DLGAP1: variants seen among roughly 807,000 people sequenced by gnomAD.
DLGAP1 encodes DLG associated protein 1, also known as disks large-associated protein 1.
DLGAP1 carries 11 observed loss-of-function variants against 90.8 expected under a neutral mutation model. The ratio of observed to expected loss-of-function variants is 0.12; its 90% confidence interval spans 0.08 to 0.20. DLGAP1 has a LOEUF of 0.20. DLGAP1 is among the 10% of genes least tolerant of loss of function. The pLI is 1.00. For synonymous variants in DLGAP1, 558 were observed against 540.7 expected (o/e 1.03, Z -0.44); for missense variants, 1,050 against 1,333.8 (o/e 0.79, Z 3.31).
intron 1 of DLGAP1, among the ~76,000 whole-genome samples, chr18:4,300,864 A>G (rs1309908622): frequency 6.6e-6 from 1 of 152,130 alleles, no homozygotes; most frequent in African/African-American, 2.4e-5. Flanking sequence ...CCTATTTCCA[A>G]TGTTAGGGTT....
intron 6 of DLGAP1, among the ~76,000 whole-genome samples, chr18:3,740,227 C>T (rs374406369): frequency 6.6e-6 from 1 of 152,074 alleles, no homozygotes; most frequent in African/African-American, 2.4e-5. Flanking sequence ...GACCTTTAGG[C>T]CATGCAGAAT....
At chr18:4,128,740 A>T (rs1439472933) in intron 2 of DLGAP1, among the ~76,000 whole-genome samples, 3 of 152,160 alleles carry the variant, frequency 2.0e-5, no homozygotes, top group Non-Finnish European at 4.4e-5. Context: ...AGGCTGGACC[A>T]CATTTACCAA....
chr18:3,584,288 G>A (rs1002146141), intron 7 of DLGAP1, among the ~76,000 whole-genome samples: 9 of 144,554 alleles, frequency 6.2e-5, no homozygotes, highest in Admixed American at 6.2e-4. Context: ...ACTCTCACAG[G>A]TGGTGTCACT....
intron 1 of DLGAP1, among the ~76,000 whole-genome samples, chr18:4,268,757 C>A (rs896406922): frequency 2.0e-5 from 3 of 152,028 alleles, no homozygotes; most frequent in Non-Finnish European, 4.4e-5. Flanking sequence ...ATTCTTACTT[C>A]AAAGATAATA....
intron 1 of DLGAP1, among the ~76,000 whole-genome samples, chr18:4,327,667 T>A (rs1295354498): frequency 6.6e-6 from 1 of 152,114 alleles, no homozygotes; most frequent in East Asian, 1.9e-4. Flanking sequence ...ACACTCCAGA[T>A]GTACTCAGGT....
chr18:3,674,289 A>G (rs554805016), intron 7 of DLGAP1, among the ~76,000 whole-genome samples: 1 of 96,050 alleles, frequency 1.0e-5, no homozygotes, highest in African/African-American at 8.4e-5. Context: ...TGTCTCTATA[A>G]TATTAAAATA....
chr18:4,154,328 C>T (rs771508263), intron 1 of DLGAP1, among the ~76,000 whole-genome samples: 24 of 151,642 alleles, frequency 1.6e-4, no homozygotes, highest in South Asian at 4.2e-4. Flanking sequence ...CCTTGGCCTC[C>T]GCCTTTTTTT....
intron 4 of DLGAP1, among the ~76,000 whole-genome samples, chr18:3,847,842 A>T (rs903357718): frequency 6.6e-6 from 1 of 152,170 alleles, no homozygotes; most frequent in Non-Finnish European, 1.5e-5. Context: ...GAATGAAATG[A>T]GGTTTGTGAA....
At chr18:4,047,409 C>A (rs141356351) in intron 2 of DLGAP1, among the ~76,000 whole-genome samples, 1 of 152,136 alleles carries the variant, frequency 6.6e-6, no homozygotes. Flanking sequence ...AATTGTATTG[C>A]GCCATCTTGC....
chr18:3,962,861 T>C (rs1007732533), intron 3 of DLGAP1, among the ~76,000 whole-genome samples: 6 of 152,206 alleles, frequency 3.9e-5, no homozygotes, highest in Non-Finnish European at 7.3e-5. Flanking sequence ...ATCTGAAAAT[T>C]GTCTTTGCTT....
intron 1 of DLGAP1, among the ~76,000 whole-genome samples, chr18:4,280,065 T>C (rs144564784): frequency 2.6e-5 from 4 of 152,340 alleles, no homozygotes; most frequent in African/African-American, 9.6e-5. Context: ...CTTTTTTTCA[T>C]TGATTTTGTT....
intron 7 of DLGAP1, among the ~76,000 whole-genome samples, chr18:3,667,772 G>C (rs1043538515): frequency 6.6e-6 from 1 of 152,236 alleles, no homozygotes; most frequent in South Asian, 2.1e-4. Flanking sequence ...CACCCCCAAG[G>C]CTAGGCCAGA....
At chr18:3,575,444 G>A (rs1174931321) in intron 8 of DLGAP1, among the ~76,000 whole-genome samples, 1 of 152,128 alleles carries the variant, frequency 6.6e-6, no homozygotes, top group Non-Finnish European at 1.5e-5. Context: ...TGTACCATCA[G>A]GAAGTAGAGG....
At chr18:3,617,842 C>A (rs979480862) in intron 7 of DLGAP1, among the ~76,000 whole-genome samples, 2 of 151,480 alleles carry the variant, frequency 1.3e-5, no homozygotes, top group Non-Finnish European at 2.9e-5. Flanking sequence ...CGAGACCAGC[C>A]TGGGCAACAT....
At chr18:4,162,992 T>G (rs1424594496) in intron 1 of DLGAP1, among the ~76,000 whole-genome samples, 1 of 152,196 alleles carries the variant, frequency 6.6e-6, no homozygotes, top group Non-Finnish European at 1.5e-5. Context: ...TGATGTTAAA[T>G]GCTTGAGTCT....
At chr18:3,758,871 C>T (rs1453730195) in intron 5 of DLGAP1, among the ~76,000 whole-genome samples, 1 of 152,094 alleles carries the variant, frequency 6.6e-6, no homozygotes, top group Non-Finnish European at 1.5e-5. Context: ...ACGTTTTTTG[C>T]AACAACACAG....
intron 3 of DLGAP1, among the ~76,000 whole-genome samples, chr18:3,950,122 C>T (rs770482610): frequency 2.6e-5 from 4 of 152,066 alleles, no homozygotes; most frequent in Non-Finnish European, 4.4e-5. Flanking sequence ...TTGGATTTAC[C>T]ACTTAAAGAA....
In DLGAP1 at chr18:3,692,615, A is replaced by ACCCTGTTTCTGCAAGACAGTTTC. The variant is rs763181381; in HGVS notation, c.1591+36519_1591+36520insGAAACTGTCTTGCAGAAACAGGG. Among the ~76,000 whole-genome samples the ACCCTGTTTCTGCAAGACAGTTTC allele has an allele frequency of 2.1e-3, 323 of 152,288 alleles. 1 individual carries two copies. The highest frequency in any genetic ancestry group is 3.7e-3 in the Non-Finnish European group (252 of 68,010). ...CCCTGTTTCTGCAAGCGAGGGCCAA[A>ACCCTGTTTCTGCAAGACAGTTTC]TGGTCAGGTCTGGTTGAGATCTGCA... is the stretch of plus-strand genomic sequence containing the variant. On this transcript the variant is annotated intron_variant, in intron 7 of 12. Coordinates refer to ENST00000315677, the MANE Select transcript of DLGAP1 (RefSeq NM_004746.4).
intron 1 of DLGAP1, among the ~76,000 whole-genome samples, chr18:4,266,755 T>C (rs2079139055): frequency 6.6e-6 from 1 of 152,226 alleles, no homozygotes; most frequent in African/African-American, 2.4e-5. Context: ...CCATGTCTTA[T>C]GACAACAATG....
Sources: allele counts gnomAD v4.1 joint callset (sites outside exome capture counted in the v4.1 genomes callset), GRCh38; gene constraint gnomAD v4.1.1; transcripts MANE v1.5; gene names NCBI Gene and HGNC (gene_info 2026-07-23, HGNC 2026-07-21).